The following NDUFS4 variants were observed in gnomAD, a reference collection of about 807,000 sequenced individuals.
NDUFS4 encodes the protein NADH dehydrogenase [ubiquinone] iron-sulfur protein 4, mitochondrial.
A neutral mutation model predicts 24.3 loss-of-function variants in NDUFS4; 28 were observed. That is an observed-to-expected ratio of 1.15 (90% CI 0.85 to 1.58). The LOEUF is 1.58. NDUFS4 is among the 40% of genes most tolerant of loss of function. The pLI is 0.00. For missense variants in NDUFS4, 223 were observed against 207.9 expected, an observed-to-expected ratio of 1.07 and a Z score of -0.45; for synonymous variants, 93 against 69.7, an observed-to-expected ratio of 1.34 and a Z score of -1.67.
chr5:53,612,210 A>G (rs954898807), intron 2 of NDUFS4, among the ~76,000 whole-genome samples: 1 of 152,106 alleles, frequency 6.6e-6, no homozygotes, highest in Non-Finnish European at 1.5e-5. Flanking sequence ...TATTTATTCA[A>G]TAAATACTTA....
At chr5:53,572,957 GTTTTTTTTTTTTGTT>G (rs1281217824) in intron 1 of NDUFS4, among the ~76,000 whole-genome samples, 26 of 103,330 alleles carry the variant, frequency 2.5e-4, no homozygotes, top group East Asian at 1.0e-3. Flanking sequence ...GTTGTTTTTT[GTTTTTTTTTTTTGTT>G]TTTTTTTTTT....
At chr5:53,664,284 T>G (rs534952678) in intron 4 of NDUFS4, among the ~76,000 whole-genome samples, 9 of 152,282 alleles carry the variant, frequency 5.9e-5, no homozygotes, top group African/African-American at 1.7e-4. Context: ...CATTTCAACT[T>G]TGGTGAATCT....
At chr5:53,598,285 ACAAAAAC>A (rs1203846412) in intron 1 of NDUFS4, among the ~76,000 whole-genome samples, 3 of 152,366 alleles carry the variant, frequency 2.0e-5, no homozygotes, top group Middle Eastern at 3.4e-3. Flanking sequence ...TAATGTCCAC[ACAAAAAC>A]CTGCACATGA....
chr5:53,677,953 A>G (rs1331357729), intron 4 of NDUFS4, among the ~76,000 whole-genome samples: 7 of 152,218 alleles, frequency 4.6e-5, no homozygotes, highest in Admixed American at 3.3e-4. Flanking sequence ...ATATTTCACA[A>G]GCAATAAAAG....
At chr5:53,608,583 A>G (rs1395034271) in intron 2 of NDUFS4, among the ~76,000 whole-genome samples, 1 of 151,354 alleles carries the variant, frequency 6.6e-6, no homozygotes, top group African/African-American at 2.4e-5. Context: ...TCAGGAGTAG[A>G]TTCTGTCTCA....
intron 2 of NDUFS4, among the ~76,000 whole-genome samples, chr5:53,631,803 TTTCATGGGC>T (rs1361302325): frequency 6.6e-6 from 1 of 152,248 alleles, no homozygotes; most frequent in Non-Finnish European, 1.5e-5. Flanking sequence ...GGATCTTAGC[TTTCATGGGC>T]TTCATGGGCA....
chr5:53,597,850 CGT>C (rs1750176793), intron 1 of NDUFS4, among the ~76,000 whole-genome samples: 1 of 152,096 alleles, frequency 6.6e-6, no homozygotes, highest in Non-Finnish European at 1.5e-5. Flanking sequence ...TTGCAAAACA[CGT>C]ATCTCATAAA....
At chr5:53,622,748 C>T (rs1036724297) in intron 2 of NDUFS4, among the ~76,000 whole-genome samples, 2 of 152,100 alleles carry the variant, frequency 1.3e-5, no homozygotes, top group Non-Finnish European at 1.5e-5. Context: ...ATATACATTG[C>T]ACAAAGTTTA....
intron 2 of NDUFS4, among the ~76,000 whole-genome samples, chr5:53,616,664 A>T (rs1022120266): frequency 2.6e-5 from 4 of 152,198 alleles, no homozygotes; most frequent in Non-Finnish European, 4.4e-5. Context: ...TGTGGGCAGG[A>T]GCTGGATCAG....
At chr5:53,562,035 A>G (rs894329369) in intron 1 of NDUFS4, among the ~76,000 whole-genome samples, 1 of 150,930 alleles carries the variant, frequency 6.6e-6, no homozygotes, top group African/African-American at 2.4e-5. Flanking sequence ...ATACATTCTC[A>G]CTCTGACGCC....
At chr5:53,648,940 C>G (rs1039590709) in intron 3 of NDUFS4, among the ~76,000 whole-genome samples, 6 of 152,138 alleles carry the variant, frequency 3.9e-5, no homozygotes, top group African/African-American at 1.4e-4. Flanking sequence ...TCTAAGATGC[C>G]CCAGGATATC....
chr5:53,647,897 T>C (rs1467604255), intron 3 of NDUFS4, among the ~76,000 whole-genome samples: 3 of 152,174 alleles, frequency 2.0e-5, no homozygotes, highest in African/African-American at 7.2e-5. Context: ...AAATGATATA[T>C]AGGCACAATT....
At chr5:53,643,737 C>G (rs1048879680) in intron 2 of NDUFS4, among the ~76,000 whole-genome samples, 1 of 152,058 alleles carries the variant, frequency 6.6e-6, no homozygotes, top group Non-Finnish European at 1.5e-5. Flanking sequence ...CCTCTGTACC[C>G]TTTAGGTGTC....
chr5:53,668,665 T>C (rs1752586291), intron 4 of NDUFS4, among the ~76,000 whole-genome samples: 1 of 151,282 alleles, frequency 6.6e-6, no homozygotes, highest in East Asian at 1.9e-4. Context: ...TTTACCATGT[T>C]GGCCAGGCTG....
At chr5:53,619,198 C>T (rs1273140111) in intron 2 of NDUFS4, among the ~76,000 whole-genome samples, 4 of 150,198 alleles carry the variant, frequency 2.7e-5, no homozygotes, top group East Asian at 3.9e-4. Flanking sequence ...AGGCCGGGCA[C>T]GGTGGCTCAC....
At chr5:53,563,465 G>A (rs1748921897) in intron 1 of NDUFS4, among the ~76,000 whole-genome samples, 1 of 151,236 alleles carries the variant, frequency 6.6e-6, no homozygotes, top group South Asian at 2.1e-4. Flanking sequence ...TCCCTGTACC[G>A]AATGTGAGGA....
chr5:53,652,784 T>C (rs551854421), intron 3 of NDUFS4, among the ~76,000 whole-genome samples: 60 of 152,316 alleles, frequency 3.9e-4, no homozygotes, highest in African/African-American at 1.4e-3. Flanking sequence ...TGTGTAAATA[T>C]GAAAAATATC....
Position 53,658,558 on chromosome 5 carries a change from C to T in NDUFS4, c.358C>T (p.Pro120Ser), listed in dbSNP as rs2112521831. Residue 120 changes from proline to serine, a missense_variant, in exon 4 of 5, where the codon CCC becomes TCC. Pro to Ser is a moderately conservative substitution (Grantham distance 74). Coordinates refer to ENST00000296684, the MANE Select transcript of NDUFS4 (RefSeq NM_002495.4). ...PLMGWASTAD[P>S]LSNMVLTFST... ...AAAATTTGTTTCTTACAGGGCTGAT[C>T]CCTTATCCAACATGGTTCTAACCTT... is the stretch of plus-strand genomic sequence containing the variant. 6.2e-7 allele frequency: 1 copy of T among 1,612,962 alleles called. No individual in the cohort carries two copies. Among genetic ancestry groups the T allele is most frequent in the Non-Finnish European group, 8.5e-7 (1 of 1,179,344 alleles).
chr5:53,619,070 C>T (rs950124107), intron 2 of NDUFS4, among the ~76,000 whole-genome samples: 58 of 151,634 alleles, frequency 3.8e-4, no homozygotes, highest in African/African-American at 1.3e-3. Context: ...GCTAAGATCG[C>T]GCCACTCTAC....
Sources: gnomAD v4.1 joint callset for allele counts (sites outside exome capture counted in the v4.1 genomes callset) on GRCh38, gnomAD v4.1.1 for gene constraint, MANE v1.5 for transcripts, NCBI Gene and HGNC (gene_info 2026-07-23, HGNC 2026-07-21) for gene names.